ROBO1: variants seen among roughly 807,000 people sequenced by gnomAD.
ROBO1 encodes roundabout homolog 1.
In ROBO1, 149 loss-of-function variants were observed where a neutral mutation model predicts 195.9. The ratio of observed to expected loss-of-function variants is 0.76; its 90% confidence interval spans 0.67 to 0.87. The LOEUF is 0.87. Among genes scored for constraint, ROBO1 ranks in the 40% least tolerant of loss-of-function variants. The pLI, the probability that ROBO1 is intolerant of heterozygous loss-of-function variation, is 0.00. For synonymous variants in ROBO1, 816 were observed against 733.2 expected, an observed-to-expected ratio of 1.11 and a Z score of -1.82; for missense variants, 1,933 against 2,068.3, an observed-to-expected ratio of 0.93 and a Z score of 1.27.
chr3:79,251,787 A>T (rs918844089), intron 2 of ROBO1, among the ~76,000 whole-genome samples: 1 of 151,580 alleles, frequency 6.6e-6, no homozygotes, highest in African/African-American at 2.4e-5. Context: ...ACAAACAAAC[A>T]ACCAAAACAA....
chr3:79,248,563 G>C (rs1317464245), intron 2 of ROBO1, among the ~76,000 whole-genome samples: 2 of 152,002 alleles, frequency 1.3e-5, no homozygotes, highest in African/African-American at 2.4e-5. Context: ...GTTATTGAAA[G>C]GTTTTTTAAA....
chr3:78,603,760 T>TATAC lies in ROBO1; in HGVS notation c.4744+2969_4744+2972dup, dbSNP rs79904000. On this transcript the variant is annotated intron_variant, in intron 29 of 30. Coordinates refer to ENST00000464233, the MANE Select transcript of ROBO1 (RefSeq NM_002941.4). ...ATAAAAATGATCACTTAATGGCATA[T>TATAC]ATACATAGGGTTATGATCCAAATAA... 1.4e-3 allele frequency among the ~76,000 whole-genome samples: 211 copies of TATAC among 152,284 alleles called. 1 individual carries two copies. Among genetic ancestry groups the TATAC allele is most frequent in the South Asian group, 2.7e-3 (13 of 4,822 alleles).
At chr3:78,948,205 G>A (rs1458211416) in intron 3 of ROBO1, among the ~76,000 whole-genome samples, 10 of 152,026 alleles carry the variant, frequency 6.6e-5, no homozygotes, top group African/African-American at 2.4e-4. Context: ...CCAAAGCATG[G>A]CAGAGACACA....
In ROBO1 at chr3:78,609,863, AAATG is replaced by A. The variant is rs200958335; in HGVS notation, c.4436-2826_4436-2823del. On this transcript the variant is annotated intron_variant, in intron 28 of 30. Coordinates refer to ENST00000464233, the MANE Select transcript of ROBO1 (RefSeq NM_002941.4). ...TCATAATTACATATTTTTAAAAAATAAATGAAACTTTTTTGTTCCATAAATATAC... is the reference window on the plus strand; with the variant it reads ...TCATAATTACATATTTTTAAAAAATAAAACTTTTTTGTTCCATAAATATAC... 2.8e-4 allele frequency among the ~76,000 whole-genome samples: 42 copies of A among 152,340 alleles called. No homozygotes were observed. In the East Asian group the frequency reaches 7.7e-3, roughly 28 times the overall value.
intron 2 of ROBO1, among the ~76,000 whole-genome samples, chr3:79,431,289 GTTATAATCCCA>G (rs959278873): frequency 5.3e-5 from 8 of 151,954 alleles, no homozygotes; most frequent in Non-Finnish European, 1.0e-4. Context: ...AACTTATTTG[GTTATAATCCCA>G]TTATAATCCC....
At chr3:79,708,809 G>C (rs1269200532) in intron 1 of ROBO1, among the ~76,000 whole-genome samples, 2 of 152,194 alleles carry the variant, frequency 1.3e-5, no homozygotes, top group Non-Finnish European at 2.9e-5. Context: ...GGAGGCTGCA[G>C]TGAGCTGTGA....
At chr3:79,144,307 C>T (rs1404223852) in intron 2 of ROBO1, among the ~76,000 whole-genome samples, 1 of 151,906 alleles carries the variant, frequency 6.6e-6, no homozygotes, top group Admixed American at 6.6e-5. Flanking sequence ...ATTTTAAAAG[C>T]CACACATATA....
rs545612036 is a variant in ROBO1 at position 79,172,604 on chromosome 3, G to A, written c.89-47065C>T. Among the ~76,000 whole-genome samples, 6 of 151,966 alleles carry A rather than the reference G, an allele frequency of 3.9e-5. No homozygotes were observed. In the East Asian group the frequency reaches 7.7e-4, roughly 20 times the overall value. Reference sequence around the variant, plus strand: ...TACATAAAGTTGTATTAAAATTAAAGTACAAACTACATTTTTTTTCCAATT... The same window carrying A: ...TACATAAAGTTGTATTAAAATTAAAATACAAACTACATTTTTTTTCCAATT... On this transcript the variant is annotated intron_variant, in intron 2 of 30. Coordinates refer to ENST00000464233, the MANE Select transcript of ROBO1 (RefSeq NM_002941.4).
intron 3 of ROBO1, among the ~76,000 whole-genome samples, chr3:79,120,512 C>T (rs563991888): frequency 3.3e-5 from 5 of 152,178 alleles, no homozygotes; most frequent in African/African-American, 1.2e-4. Context: ...TTCTGGAGGA[C>T]AGGCTTCTTT....
chr3:79,722,492 G>A (rs571563277), intron 1 of ROBO1, among the ~76,000 whole-genome samples: 215 of 152,152 alleles, frequency 1.4e-3, no homozygotes, highest in African/African-American at 4.8e-3. Flanking sequence ...CAGTTCCATC[G>A]CCAACTGTTG....
chr3:79,177,325 T>C (rs922182413), intron 2 of ROBO1, among the ~76,000 whole-genome samples: 4 of 152,200 alleles, frequency 2.6e-5, no homozygotes, highest in Admixed American at 2.0e-4. Flanking sequence ...CATTTTGGAG[T>C]CAGAATTCTC....
chr3:78,670,093 T>C lies in ROBO1; in HGVS notation c.1548+3A>G, dbSNP rs1559722754. 6.3e-7 allele frequency: 1 copy of C among 1,580,798 alleles called. No homozygotes were observed. Among genetic ancestry groups the C allele is most frequent in the African/African-American group, 1.3e-5 (1 of 74,238 alleles). On this transcript the variant is annotated splice_donor_region_variant and intron_variant, in intron 11 of 30. Transcript: ENST00000464233. The stretch of plus-strand genomic sequence containing the variant: ...AGAAACGCAAGGTGCCATTCCAAGT[T>C]ACCTTAGCATATCGGATCTGCAGTA...
chr3:79,003,377 T>C (rs970696298), intron 3 of ROBO1, among the ~76,000 whole-genome samples: 3 of 152,112 alleles, frequency 2.0e-5, no homozygotes, highest in African/African-American at 7.2e-5. Context: ...TAAACTAGTT[T>C]CTTTAAAGAA....
chr3:78,999,860 T>C (rs1305817691), intron 3 of ROBO1, among the ~76,000 whole-genome samples: 1 of 152,166 alleles, frequency 6.6e-6, no homozygotes, highest in Non-Finnish European at 1.5e-5. Context: ...CTTAGTCTGA[T>C]GGGCAATCAC....
chr3:79,126,017 A>G (rs573674365), intron 2 of ROBO1, among the ~76,000 whole-genome samples: 3 of 152,264 alleles, frequency 2.0e-5, no homozygotes, highest in Non-Finnish European at 4.4e-5. Flanking sequence ...GGCAGGGAGG[A>G]TGTGGGGAAA....
intron 2 of ROBO1, among the ~76,000 whole-genome samples, chr3:79,497,178 A>C (rs1939792725): frequency 6.6e-6 from 1 of 152,228 alleles, no homozygotes; most frequent in Admixed American, 6.5e-5. Context: ...TCTATTTCTC[A>C]GAAAAGATTG....
chr3:79,036,131 G>C (rs968201033), intron 3 of ROBO1, among the ~76,000 whole-genome samples: 10 of 152,020 alleles, frequency 6.6e-5, no homozygotes, highest in African/African-American at 2.4e-4. Flanking sequence ...ACTAGAACAA[G>C]ATATCAAAGT....
intron 1 of ROBO1, among the ~76,000 whole-genome samples, chr3:79,645,795 TAG>T (rs1318323901): frequency 2.6e-5 from 4 of 152,128 alleles, no homozygotes; most frequent in African/African-American, 9.6e-5. Context: ...GAAAACAGAA[TAG>T]AGAACATAGA....
At position 79,445,766 on chromosome 3, in the gene ROBO1, A is replaced by T. The variant is rs554630551; in HGVS notation, c.88+144058T>A. Among the ~76,000 whole-genome samples the T allele has an allele frequency of 7.4e-5, 11 of 149,076 alleles. 1 individual carries two copies. The East Asian group carries it at 2.2e-3, about 30-fold the overall frequency. ...AAGCTCCGCCTCCCGGGTTCACACC[A>T]TTCTCCTGCCTCAGCCTCCCGAGTA... On this transcript the variant is annotated intron_variant, in intron 2 of 30. Coordinates refer to ENST00000464233, the MANE Select transcript of ROBO1 (RefSeq NM_002941.4).
Sources: gnomAD v4.1 joint callset for allele counts (sites outside exome capture counted in the v4.1 genomes callset) on GRCh38, gnomAD v4.1.1 for gene constraint, MANE v1.5 for transcripts, NCBI Gene and HGNC (gene_info 2026-07-23, HGNC 2026-07-21) for gene names.